Variants in TNR observed in about 807,000 individuals in gnomAD.
TNR encodes the protein tenascin R.
In TNR, 45 loss-of-function variants were observed where a neutral mutation model predicts 150.4. The ratio of observed to expected loss-of-function variants is 0.30; its 90% CI spans 0.24 to 0.38. The LOEUF (loss-of-function observed/expected upper bound fraction) is 0.38. TNR is among the 10% of genes least tolerant of loss of function. TNR has a pLI of 1.00. For synonymous variants in TNR, 687 were observed against 678.4 expected (o/e 1.01, Z -0.20); for missense variants, 1,544 against 1,759.1 (o/e 0.88, Z 2.19).
intron 2 of TNR, among the ~76,000 whole-genome samples, chr1:175,458,963 T>C (rs1416827155): frequency 1.3e-5 from 2 of 150,062 alleles, no homozygotes; most frequent in African/African-American, 2.5e-5. Flanking sequence ...ACCAACACCA[T>C]CACCACCACG....
At chr1:175,678,305 C>T (rs1419308668) in intron 1 of TNR, among the ~76,000 whole-genome samples, 7 of 152,262 alleles carry the variant, frequency 4.6e-5, no homozygotes, top group African/African-American at 9.6e-5. Flanking sequence ...AGAGGGGGCA[C>T]GTGTTAAACA....
chr1:175,512,830 C>T (rs1659246254), intron 2 of TNR, among the ~76,000 whole-genome samples: 1 of 152,178 alleles, frequency 6.6e-6, no homozygotes, highest in Admixed American at 6.5e-5. Flanking sequence ...CTTTTTTGTT[C>T]TGCAAGATAC....
intron 1 of TNR, among the ~76,000 whole-genome samples, chr1:175,662,864 A>G (rs1665420776): frequency 1.3e-5 from 2 of 152,336 alleles, no homozygotes; most frequent in African/African-American, 4.8e-5. Context: ...CTACAGAGTG[A>G]ACACTTATAG....
intron 4 of TNR, among the ~76,000 whole-genome samples, chr1:175,397,739 T>C (rs1211189877): frequency 1.3e-5 from 2 of 152,248 alleles, no homozygotes; most frequent in African/African-American, 4.8e-5. Flanking sequence ...CTTGAGGACC[T>C]TGCTTTACTT....
chr1:175,644,870 T>C lies in TNR; in HGVS notation c.-165+98356A>G, dbSNP rs558653552. ...CTTCTTTCTGTGTCAGATGCCCTGT[T>C]TATTTACAGAGGAGGGAAAGAGTGT... On this transcript the variant is annotated intron_variant, in intron 1 of 22. Transcript: ENST00000367674. 2.6e-5 allele frequency among the ~76,000 whole-genome samples: 4 copies of C among 152,386 alleles called. No homozygotes were observed. In the East Asian group the frequency reaches 5.8e-4, roughly 22 times the overall value.
chr1:175,569,754 C>A (rs1661787901), intron 1 of TNR, among the ~76,000 whole-genome samples: 2 of 152,306 alleles, frequency 1.3e-5, no homozygotes, highest in African/African-American at 2.4e-5. Flanking sequence ...TTGCAAAGAG[C>A]TTTACACTTT....
intron 22 of TNR, 28 bp downstream of exon 22, chr1:175,324,328 T>C: frequency 3.7e-6 from 6 of 1,607,750 alleles, no homozygotes; most frequent in Non-Finnish European, 5.1e-6. Flanking sequence ...CTCTGGCTCA[T>C]TCATAGCAGA....
chr1:175,643,130 A>G (rs1256807254), intron 1 of TNR, among the ~76,000 whole-genome samples: 5 of 152,150 alleles, frequency 3.3e-5, no homozygotes, highest in Admixed American at 1.3e-4. Flanking sequence ...GCGATGATGC[A>G]CTGAGGGAAC....
chr1:175,668,226 A>G (rs952495593), intron 1 of TNR, among the ~76,000 whole-genome samples: 1 of 152,310 alleles, frequency 6.6e-6, no homozygotes, highest in Admixed American at 6.5e-5. Flanking sequence ...AAATTAACAG[A>G]TAAAGTATCT....
rs112425225 is a variant in TNR at position 175,354,683 on chromosome 1, G to A, written c.3250-160C>T. Among the ~76,000 whole-genome samples, 878 of 152,340 alleles carry A rather than the reference G, an allele frequency of 5.8e-3. 7 individuals carry two copies. Among genetic ancestry groups the A allele is most frequent in the African/African-American group, 0.018 (750 of 41,572 alleles). On this transcript the variant is annotated intron_variant, in intron 17 of 22. Transcript: ENST00000367674. ...ACAATAAGGATTACTGCACCAATAA[G>A]CAGAGAGGAGAGCTCCCATGTGAGA... is the stretch of plus-strand genomic sequence containing the variant.
chr1:175,326,256 A>G (rs1269716434), intron 21 of TNR, among the ~76,000 whole-genome samples: 2 of 152,200 alleles, frequency 1.3e-5, no homozygotes, highest in African/African-American at 4.8e-5. Flanking sequence ...TAGCAGGATC[A>G]GGATTTGTGG....
chr1:175,657,883 A>ATATATATATATATATATG lies in TNR; in HGVS notation c.-165+85342_-165+85343insCATATATATATATATATA, dbSNP rs1464419575. ...TATATATATATATATATATATATAT[A>ATATATATATATATATATG]TGTAACAAACCTGCACGTTGTGCAC... On this transcript the variant is annotated intron_variant, in intron 1 of 22. Coordinates refer to ENST00000367674, the MANE Select transcript of TNR (RefSeq NM_003285.3). Among the ~76,000 whole-genome samples the ATATATATATATATATATG allele has an allele frequency of 2.2e-3, 220 of 101,102 alleles. 10 individuals carry two copies. The highest frequency in any genetic ancestry group is 2.9e-3 in the African/African-American group (79 of 27,694). The allele number at this position is 101,102 out of a possible 152,430, so 66.3% of individuals were successfully genotyped here.
At chr1:175,583,015 C>G (rs1662419476) in intron 1 of TNR, among the ~76,000 whole-genome samples, 1 of 152,060 alleles carries the variant, frequency 6.6e-6, no homozygotes, top group African/African-American at 2.4e-5. Context: ...TCTTGGACTT[C>G]CCAGTCTTCA....
chr1:175,636,338 C>T (rs1664491067), intron 1 of TNR, among the ~76,000 whole-genome samples: 1 of 152,148 alleles, frequency 6.6e-6, no homozygotes, highest in African/African-American at 2.4e-5. Context: ...TTAAGTTTCC[C>T]ACAGACTTAA....
chr1:175,422,663 C>T (rs548350409), intron 2 of TNR, among the ~76,000 whole-genome samples: 10 of 152,320 alleles, frequency 6.6e-5, no homozygotes, highest in Admixed American at 2.6e-4. Context: ...AGGTCTCCCC[C>T]CTAACCCCAG....
chr1:175,534,934 T>C (rs1660212013), intron 1 of TNR, among the ~76,000 whole-genome samples: 1 of 152,186 alleles, frequency 6.6e-6, no homozygotes, highest in Non-Finnish European at 1.5e-5. Context: ...AAGGGGCTTT[T>C]CCCCCTTTGC....
At chr1:175,634,689 T>C (rs1043146222) in intron 1 of TNR, among the ~76,000 whole-genome samples, 1 of 152,130 alleles carries the variant, frequency 6.6e-6, no homozygotes, top group Non-Finnish European at 1.5e-5. Flanking sequence ...CATCCTAAGT[T>C]CCAAGTATGG....
At chr1:175,547,605 G>C (rs776347076) in intron 1 of TNR, among the ~76,000 whole-genome samples, 1,430 of 21,650 alleles carry the variant, frequency 0.066, 25 homozygotes, top group African/African-American at 0.087. Flanking sequence ...AAGAAAGAAA[G>C]AAAGAAACAA....
At chr1:175,517,320 CTG>C (rs1337505695) in intron 2 of TNR, among the ~76,000 whole-genome samples, 1 of 152,184 alleles carries the variant, frequency 6.6e-6, no homozygotes, top group South Asian at 2.1e-4. Flanking sequence ...TTCTGGGAGA[CTG>C]TGTAAGTCAA....
Sources: allele counts gnomAD v4.1 joint callset (sites outside exome capture counted in the v4.1 genomes callset), GRCh38; gene constraint gnomAD v4.1.1; transcripts MANE v1.5; gene names NCBI Gene and HGNC (gene_info 2026-07-23, HGNC 2026-07-21).